Variants in SRL observed in about 807,000 individuals in gnomAD.
SRL encodes sarcalumenin.
Under a neutral mutation model 39.5 loss-of-function variants are expected in SRL, and 23 were observed. The ratio of observed to expected loss-of-function variants is 0.58; its 90% CI spans 0.42 to 0.82. The LOEUF (loss-of-function observed/expected upper bound fraction) is 0.82, where lower values mean the gene tolerates loss of function less well. Among genes scored for constraint, SRL ranks in the 40% least tolerant of loss-of-function variants. The probability of loss-of-function intolerance (pLI) is 0.00; values close to 1 mark genes in which losing one functional copy is unlikely to be tolerated. For synonymous variants in SRL, 272 were observed against 237.4 expected (o/e 1.15, Z -1.34); for missense variants, 592 against 607.8 (o/e 0.97, Z 0.27).
intron 1 of SRL, among the ~76,000 whole-genome samples, chr16:4,209,520 C>T (rs2052366483): frequency 6.6e-6 from 1 of 152,162 alleles, no homozygotes; most frequent in African/African-American, 2.4e-5. Flanking sequence ...CCACTTGCTA[C>T]TCCCATCTCT....
rs997482178 is a variant in SRL, at chr16:4,190,429, A to G, written c.*1724T>C. 7.5e-6 allele frequency: 3 copies of G among 398,718 alleles called. No homozygotes were observed. The highest frequency in any genetic ancestry group is 1.3e-5 in the Non-Finnish European group (3 of 226,180). 24.7% of individuals were successfully genotyped at this position (398,718 alleles called of 1,614,324 possible). On this transcript the variant is annotated 3_prime_UTR_variant, in exon 6 of 6. Transcript: ENST00000399609. The stretch of plus-strand genomic sequence containing the variant: ...CCAAGAGAAGCGGCTGGCTGTGTAC[A>G]AAGGAGCCCCTCGAGGCAGCCCGGG...
At chr16:4,206,376 C>T (rs1188981619) in intron 1 of SRL, among the ~76,000 whole-genome samples, 1 of 152,224 alleles carries the variant, frequency 6.6e-6, no homozygotes, top group African/African-American at 2.4e-5. Context: ...CCATCCATTC[C>T]CTGCACGTCC....
intron 1 of SRL, among the ~76,000 whole-genome samples, chr16:4,208,763 A>T (rs1264372583): frequency 6.6e-6 from 1 of 151,842 alleles, no homozygotes; most frequent in East Asian, 1.9e-4. Flanking sequence ...TGGCCCCCCT[A>T]CCTTAGATTA....
At position 4,191,992 on chromosome 16, in the gene SRL, A is replaced by T. The variant is rs924234675; in HGVS notation, c.*161T>A. The T allele has an allele frequency of 1.4e-6, 1 of 726,624 alleles. No homozygotes were observed. The highest frequency in any genetic ancestry group is 2.2e-6 in the Non-Finnish European group (1 of 444,644). 45.0% of individuals were successfully genotyped at this position (726,624 alleles called of 1,614,324 possible). A position where few individuals can be genotyped will look rare whatever the true frequency, so the allele number is the denominator to read the frequency against. On this transcript the variant is annotated 3_prime_UTR_variant, in exon 6 of 6. Coordinates refer to ENST00000399609, the MANE Select transcript of SRL (RefSeq NM_001098814.2). The stretch of plus-strand genomic sequence containing the variant: ...TCACAGTTTCCACTCTCCTCCCTAG[A>T]CCCACACACCTGCCCCGACCCCTGG...
intron 1 of SRL, among the ~76,000 whole-genome samples, chr16:4,222,915 G>A (rs1447587378): frequency 6.6e-6 from 1 of 151,904 alleles, no homozygotes; most frequent in African/African-American, 2.4e-5. Context: ...CCAACATGGT[G>A]AAGCCCCGTC....
In SRL at chr16:4,207,208, C is replaced by G. The variant is rs558211940; in HGVS notation, c.62-2574G>C. The stretch of plus-strand genomic sequence containing the variant: ...TCGGAGGGAACTCCTCCTTCTTCCT[C>G]GCTTCCACTTCCATCACCACTTTCC... On this transcript the variant is annotated intron_variant, in intron 1 of 5. Transcript: ENST00000399609. 145 of 457,072 alleles carry G rather than the reference C, an allele frequency of 3.2e-4. No homozygotes were observed. The Admixed American group carries it at 3.3e-3, about 11-fold the overall frequency. The allele number at this position is 457,072 out of a possible 1,614,324, so 28.3% of individuals were successfully genotyped here.
At chr16:4,233,128 G>A (rs1459209005) in intron 1 of SRL, among the ~76,000 whole-genome samples, 1 of 152,246 alleles carries the variant, frequency 6.6e-6, no homozygotes, top group Non-Finnish European at 1.5e-5. Context: ...TCAGAGGGCT[G>A]AGAGAAAGAG....
At chr16:4,224,585 C>T (rs751006297) in intron 1 of SRL, among the ~76,000 whole-genome samples, 6 of 152,054 alleles carry the variant, frequency 3.9e-5, no homozygotes, top group Non-Finnish European at 8.8e-5. Flanking sequence ...ATGGCTCACA[C>T]CTGTGGTCCT....
At chr16:4,233,562 G>A (rs958064823) in intron 1 of SRL, among the ~76,000 whole-genome samples, 3 of 152,072 alleles carry the variant, frequency 2.0e-5, no homozygotes, top group African/African-American at 4.8e-5. Flanking sequence ...ACTGCTGGTG[G>A]GGGGGTGTTA....
chr16:4,214,911 G>A lies in SRL; in HGVS notation c.62-10277C>T, dbSNP rs373020310. 2.6e-3 allele frequency among the ~76,000 whole-genome samples: 396 copies of A among 152,134 alleles called. 3 individuals are homozygous for A. The Middle Eastern group carries it at 0.031, about 12-fold the overall frequency. On this transcript the variant is annotated intron_variant, in intron 1 of 5. Transcript: ENST00000399609. Reference sequence around the variant, plus strand: ...GCCTCCCGAGTAGCTGGGATTACAGGTGCCTGCCACCACTCCTGGCTAATT... The same window carrying A: ...GCCTCCCGAGTAGCTGGGATTACAGATGCCTGCCACCACTCCTGGCTAATT...
intron 1 of SRL, chr16:4,239,628 A>G (rs1275047234): frequency 6.6e-6 from 1 of 152,026 alleles, no homozygotes; most frequent in Non-Finnish European, 1.5e-5. Flanking sequence ...CTCCTTTCAC[A>G]CTCACCGTAC....
chr16:4,231,345 A>G (rs1365530375), intron 1 of SRL, among the ~76,000 whole-genome samples: 5 of 152,122 alleles, frequency 3.3e-5, no homozygotes, highest in Non-Finnish European at 2.9e-5. Flanking sequence ...GCTTTAAGCT[A>G]CTGACTTTGT....
chr16:4,198,410 C>T (rs1234241278), intron 3 of SRL, among the ~76,000 whole-genome samples: 2 of 152,168 alleles, frequency 1.3e-5, no homozygotes, highest in South Asian at 2.1e-4. Context: ...ATTCCCAATA[C>T]AGCCTAATCC....
At chr16:4,203,684 G>A (rs974352214) in intron 2 of SRL, among the ~76,000 whole-genome samples, 4 of 149,462 alleles carry the variant, frequency 2.7e-5, no homozygotes, top group African/African-American at 7.7e-5. Flanking sequence ...ACTGTGCCCG[G>A]CCTGAGCTGT....
At chr16:4,203,144 T>C in intron 3 of SRL, 22 bp downstream of exon 3, 1 of 1,605,224 alleles carries the variant, frequency 6.2e-7, no homozygotes, top group South Asian at 1.1e-5. Flanking sequence ...TCTCAAGCCC[T>C]ACCTGTTATC....
rs148808936 is a variant in SRL, at chr16:4,235,419, C to T, written c.61+6588G>A. Among the ~76,000 whole-genome samples the T allele has an allele frequency of 3.9e-3, 589 of 152,264 alleles. 4 individuals are homozygous for T. Among genetic ancestry groups the T allele is most frequent in the African/African-American group, 0.014 (565 of 41,564 alleles). ...GAAGAATGAAAACCAAAGTCAGCTG[C>T]GTGCAGTGGCTCACACTTGTAGCCC... On this transcript the variant is annotated intron_variant, in intron 1 of 5. Coordinates refer to ENST00000399609, the MANE Select transcript of SRL (RefSeq NM_001098814.2).
At chr16:4,207,255 G>A (rs1340781304) in intron 1 of SRL, 1 of 456,926 alleles carries the variant, frequency 2.2e-6, no homozygotes, top group Non-Finnish European at 4.4e-6. Flanking sequence ...GGCTTCATCT[G>A]CGTCCTCCTC....
chr16:4,202,704 T>C (rs1184301710), intron 3 of SRL, among the ~76,000 whole-genome samples: 1 of 151,918 alleles, frequency 6.6e-6, no homozygotes, highest in African/African-American at 2.4e-5. Flanking sequence ...ATTTTGAAAA[T>C]CAATTTTGTA....
chr16:4,214,627 G>C (rs1191311383), intron 1 of SRL, among the ~76,000 whole-genome samples: 1 of 152,158 alleles, frequency 6.6e-6, no homozygotes, highest in Non-Finnish European at 1.5e-5. Flanking sequence ...CAGGCAGCCT[G>C]CCCCCTTCCT....
Sources: allele counts gnomAD v4.1 joint callset (sites outside exome capture counted in the v4.1 genomes callset), GRCh38; gene constraint gnomAD v4.1.1; transcripts MANE v1.5; gene names NCBI Gene and HGNC (gene_info 2026-07-23, HGNC 2026-07-21).